Variants in PTPRF observed in about 807,000 individuals in gnomAD.
The protein encoded by PTPRF is protein tyrosine phosphatase receptor type F, also known as receptor-type tyrosine-protein phosphatase F.
PTPRF carries 59 observed loss-of-function variants against 201.8 expected under a neutral mutation model. The observed-to-expected ratio is 0.29, with a 90% CI of 0.24 to 0.36. PTPRF has a LOEUF of 0.36. Among genes scored for constraint, PTPRF ranks in the 10% least tolerant of loss-of-function variants. PTPRF has a pLI of 1.00. For synonymous variants in PTPRF, 1,088 were observed against 1,089.7 expected (o/e 1.00, Z 0.03); for missense variants, 2,132 against 2,690.5 (o/e 0.79, Z 4.59).
chr1:43,562,216 C>G (rs1363838953), intron 5 of PTPRF, among the ~76,000 whole-genome samples: 4 of 152,012 alleles, frequency 2.6e-5, no homozygotes, highest in Admixed American at 6.5e-5. Flanking sequence ...TCAGATGATT[C>G]TCCTGCCTCA....
At chr1:43,616,643 G>A (rs1168019078) in intron 23 of PTPRF, among the ~76,000 whole-genome samples, 1 of 152,018 alleles carries the variant, frequency 6.6e-6, no homozygotes, top group Non-Finnish European at 1.5e-5. Context: ...AGGGGTGAGG[G>A]TGCCTTTCGC....
intron 19 of PTPRF, 97 bp downstream of exon 19, chr1:43,605,719 C>T (rs922134885): frequency 2.4e-5 from 28 of 1,187,206 alleles, no homozygotes; most frequent in Non-Finnish European, 3.2e-5. Context: ...CTCAGATTCA[C>T]TCCCCAAATT....
At chr1:43,616,804 G>A (rs1465782849) in intron 23 of PTPRF, among the ~76,000 whole-genome samples, 1 of 152,084 alleles carries the variant, frequency 6.6e-6, no homozygotes, top group African/African-American at 2.4e-5. Context: ...CTGAGGTTAT[G>A]GGCAGCTCCA....
chr1:43,541,505 A>T (rs969607724), intron 2 of PTPRF, among the ~76,000 whole-genome samples: 1 of 152,218 alleles, frequency 6.6e-6, no homozygotes, highest in Non-Finnish European at 1.5e-5. Flanking sequence ...CCCTCAAAGC[A>T]GTGATTCCCA....
intron 5 of PTPRF, among the ~76,000 whole-genome samples, chr1:43,557,423 C>T (rs1645453262): frequency 6.6e-6 from 1 of 152,182 alleles, no homozygotes; most frequent in South Asian, 2.1e-4. Context: ...CACTTGAGGT[C>T]AGGAGTTCGA....
rs1644447801 is a variant in PTPRF at position 43,542,996 on chromosome 1, C to T, written c.-45-2035C>T. Among the ~76,000 whole-genome samples the T allele has an allele frequency of 2.0e-5, 3 of 152,140 alleles. No homozygotes were observed. The highest frequency in any genetic ancestry group is 4.2e-4 in the South Asian group (2 of 4,818). On this transcript the variant is annotated intron_variant, in intron 2 of 33. Coordinates refer to ENST00000359947, the MANE Select transcript of PTPRF (RefSeq NM_002840.5). The surrounding 1 kb of genome is among the most constrained non-coding windows in gnomAD (Gnocchi z 5.2). ...GGAATGCTTGTTCCTGGAAGTTAAC[C>T]TCTGTGACTATTATATTGTTATACC...
rs773404581 is a variant in PTPRF at position 43,597,875 on chromosome 1, G to A, written c.1941G>A (p.Glu647=). The part of the protein sequence containing the change: ...GVITQYSVAY[E]AVDGEDRGRH... ...TCACCCAGTACTCCGTGGCCTACGA[G>A]GCGGTGGACGGCGAGGACCGCGGGC... Residue 647 remains glutamate, a synonymous_variant, in exon 12 of 34, where the codon GAG becomes GAA. Coordinates refer to ENST00000359947, the MANE Select transcript of PTPRF (RefSeq NM_002840.5). The A allele has an allele frequency of 1.2e-6, 2 of 1,608,236 alleles. No individual in the cohort carries two copies. Among genetic ancestry groups the A allele is most frequent in the Admixed American group, 3.4e-5 (2 of 59,330 alleles).
intron 1 of PTPRF, among the ~76,000 whole-genome samples, chr1:43,535,009 T>G (rs1359136711): frequency 6.6e-6 from 1 of 152,214 alleles, no homozygotes; most frequent in Non-Finnish European, 1.5e-5. Context: ...TGAGTACTGT[T>G]GTCTGTGTTT....
intron 7 of PTPRF, chr1:43,582,969 G>A (rs1320170376): frequency 5.8e-6 from 4 of 683,876 alleles, no homozygotes; most frequent in South Asian, 6.6e-5. Context: ...CGTGCTGTGT[G>A]GGCAGATGAA....
At chr1:43,594,767 G>T (rs1218105924) in intron 11 of PTPRF, among the ~76,000 whole-genome samples, 2 of 152,162 alleles carry the variant, frequency 1.3e-5, no homozygotes, top group Admixed American at 6.5e-5. Flanking sequence ...GCAGAGGCAG[G>T]TGTGAAAACT....
rs3828151 is a variant in PTPRF at position 43,592,594 on chromosome 1, C to A, written c.1806C>A (p.Ala602=). 0.41 allele frequency: 653,994 copies of A among 1,597,494 alleles called. 135,026 individuals are homozygous for A. Among genetic ancestry groups the A allele is most frequent in the East Asian group, 0.52 (23,296 of 44,634 alleles). The part of the protein sequence containing the change: ...VFTPTIEART[A]QSTPSAPPQK... ...CCCCCACCATTGAGGCCCGCACAGC[C>A]CAGTCCAGTAAGTGTCTCCCAAGTC... The change falls in exon 11 of 34, where the codon GCC becomes GCA. Residue 602 remains alanine, a synonymous_variant. Coordinates refer to ENST00000359947, the MANE Select transcript of PTPRF (RefSeq NM_002840.5).
chr1:43,622,618 C>T lies in PTPRF; in HGVS notation c.*615C>T, dbSNP rs1044577370. ...CTCCTCCAGCCCTTCAGACGAGATC[C>T]TGTTTCAGCTAAATGCAGGGAAACT... On this transcript the variant is annotated 3_prime_UTR_variant, in exon 34 of 34. Transcript: ENST00000359947. 2 of 152,608 alleles carry T rather than the reference C, an allele frequency of 1.3e-5. No homozygotes were observed. The highest frequency in any genetic ancestry group is 2.9e-5 in the Non-Finnish European group (2 of 68,062). 9.5% of individuals were successfully genotyped at this position (152,608 alleles called of 1,614,324 possible). A position where few individuals can be genotyped will look rare whatever the true frequency, so the allele number is the denominator to read the frequency against.
chr1:43,566,088 C>T (rs1220174985), intron 5 of PTPRF, among the ~76,000 whole-genome samples: 1 of 152,162 alleles, frequency 6.6e-6, no homozygotes, highest in East Asian at 1.9e-4. Context: ...AACGCCGCGG[C>T]GCGTGTGCGG....
intron 5 of PTPRF, among the ~76,000 whole-genome samples, chr1:43,563,682 C>A (rs11210871): frequency 3.3e-5 from 5 of 151,986 alleles, no homozygotes; most frequent in East Asian, 1.9e-4. Context: ...CAGTTAGTTC[C>A]GTGGAGCCAT....
In PTPRF at chr1:43,591,225, C is replaced by T. The variant is rs754204068; in HGVS notation, c.1203C>T (p.Ser401=). The T allele has an allele frequency of 2.7e-5, 44 of 1,600,820 alleles. No homozygotes were observed. Among genetic ancestry groups the T allele is most frequent in the South Asian group, 3.3e-5 (3 of 90,474 alleles). ...ACAGCATCGGGCGAGGGCCGCCCAG[C>T]GAGGCAGTGCGGGCACGCACGGGAG... ...AVNSIGRGPP[S]EAVRARTGEQ... is the part of the protein sequence containing the mutation. Residue 401 remains serine (S), a synonymous_variant, in exon 9 of 34, where the codon AGC becomes AGT. Transcript: ENST00000359947.
At chr1:43,523,132 G>A (rs1028099052), upstream of PTPRF, among the ~76,000 whole-genome samples, 2 of 152,192 alleles carry the variant, frequency 1.3e-5, no homozygotes, top group Non-Finnish European at 2.9e-5. Context: ...GATGGACAGT[G>A]GGGCCACTGA....
At chr1:43,578,616 C>T (rs375900398) in intron 6 of PTPRF, among the ~76,000 whole-genome samples, 194 bp from the exon 7 acceptor site, 4 of 152,170 alleles carry the variant, frequency 2.6e-5, no homozygotes, top group Non-Finnish European at 4.4e-5. Flanking sequence ...AAAGCACAAC[C>T]GTTGGTTCTA....
intron 22 of PTPRF, among the ~76,000 whole-genome samples, chr1:43,612,603 G>GCAGCCC (rs1356616283): frequency 6.6e-6 from 1 of 152,100 alleles, no homozygotes; most frequent in Non-Finnish European, 1.5e-5. Context: ...GAACTTGTCC[G>GCAGCCC]CAGCCCCAGC....
rs1265051702 is a variant in PTPRF at position 43,619,584 on chromosome 1, G to C, written c.4932+11G>C. On this transcript the variant is annotated intron_variant, in intron 28 of 33. Transcript: ENST00000359947. ...GAGCTCGAGTTCAAGGTGGGGCTCG[G>C]GTGGGCCTGCTTGGCTCCAGGGCCT... 1 of 1,611,164 alleles carries C rather than the reference G, an allele frequency of 6.2e-7. No homozygotes were observed. Among genetic ancestry groups the C allele is most frequent in the South Asian group, 1.1e-5 (1 of 90,988 alleles).
Sources: gnomAD v4.1 joint callset for allele counts (sites outside exome capture counted in the v4.1 genomes callset) on GRCh38, gnomAD v4.1.1 for gene constraint, Gnocchi (gnomAD v3.1) non-coding constraint, MANE v1.5 for transcripts, NCBI Gene and HGNC (gene_info 2026-07-23, HGNC 2026-07-21) for gene names.